The following CFI variants were observed in gnomAD, a reference collection of about 807,000 sequenced individuals.
CFI encodes C3B/C4B inactivator.
Under a neutral mutation model 78.8 loss-of-function variants are expected in CFI, and 66 were observed. That is an observed-to-expected ratio of 0.84 (90% CI 0.69 to 1.03). The LOEUF (loss-of-function observed/expected upper bound fraction) is 1.03. Among genes scored for constraint, CFI ranks in the 50% least tolerant of loss-of-function variants. The pLI, the probability that CFI is intolerant of heterozygous loss-of-function variation, is 0.00. For missense variants in CFI, 706 were observed against 704.5 expected, an observed-to-expected ratio of 1.00 and a Z score of -0.02; for synonymous variants, 250 against 232.6, an observed-to-expected ratio of 1.07 and a Z score of -0.68.
intron 3 of CFI, among the ~76,000 whole-genome samples, chr4:109,763,882 A>T (rs887211477): frequency 6.6e-6 from 1 of 151,210 alleles, no homozygotes; most frequent in African/African-American, 2.4e-5. Flanking sequence ...ATAATAAAGA[A>T]AACTTCTAAA....
At chr4:109,769,580 C>G (rs183550621) in intron 1 of CFI, among the ~76,000 whole-genome samples, 1 of 152,134 alleles carries the variant, frequency 6.6e-6, no homozygotes, top group African/African-American at 2.4e-5. Flanking sequence ...CTCTCTCATG[C>G]GGGGTACTAT....
chr4:109,751,081 C>T (rs1329062505), intron 8 of CFI, among the ~76,000 whole-genome samples: 1 of 150,212 alleles, frequency 6.7e-6, no homozygotes, highest in Non-Finnish European at 1.5e-5. Context: ...ACAGACCTGG[C>T]TTCCATTAGT....
chr4:109,801,799 TGTAAC>T (rs1732796913), intron 1 of CFI, 111 bp downstream of exon 1: 2 of 692,088 alleles, frequency 2.9e-6, no homozygotes, highest in African/African-American at 1.8e-5. Context: ...GTGGCATTGT[TGTAAC>T]TGAACTATGT....
chr4:109,796,637 AC>A (rs1268019687), intron 1 of CFI, among the ~76,000 whole-genome samples: 2 of 152,174 alleles, frequency 1.3e-5, no homozygotes, highest in Non-Finnish European at 1.5e-5. Flanking sequence ...TCCCATCACT[AC>A]AAAAAATAAA....
chr4:109,787,822 T>C (rs1236841333), intron 1 of CFI, among the ~76,000 whole-genome samples: 1 of 152,068 alleles, frequency 6.6e-6, no homozygotes, highest in Non-Finnish European at 1.5e-5. Context: ...GGTCTTGTTT[T>C]TTTCATAATG....
In CFI at chr4:109,760,292, C is replaced by T. The variant is rs781339878; in HGVS notation, c.861G>A (p.Gly287=). The change falls in exon 6 of 13, where the codon GGG becomes GGA. Residue 287 remains glycine, a synonymous_variant. Coordinates refer to ENST00000394634, the MANE Select transcript of CFI (RefSeq NM_000204.5). ...QCNGEVDCIT[G]EDEVGCAGFA... is the part of the protein sequence containing the mutation. Reference sequence around the variant, plus strand: ...TACCTGCACAGCCAACTTCATCTTCCCCTGTAATGCAGTCCACCTCACCAT... The same window carrying T: ...TACCTGCACAGCCAACTTCATCTTCTCCTGTAATGCAGTCCACCTCACCAT... The T allele has an allele frequency of 6.2e-7, 1 of 1,613,782 alleles. No homozygotes were observed. The highest frequency in any genetic ancestry group is 1.3e-5 in the African/African-American group (1 of 75,044).
At chr4:109,750,647 A>G (rs1274178738) in intron 8 of CFI, among the ~76,000 whole-genome samples, 2 of 152,212 alleles carry the variant, frequency 1.3e-5, no homozygotes, top group Non-Finnish European at 2.9e-5. Flanking sequence ...TGAAGAAAGT[A>G]AAATATATCC....
intron 1 of CFI, among the ~76,000 whole-genome samples, 156 bp downstream of exon 1, chr4:109,801,759 T>G (rs1732791959): frequency 6.6e-6 from 1 of 152,246 alleles, no homozygotes; most frequent in African/African-American, 2.4e-5. Context: ...ATCAAGATAT[T>G]AACATAAAAC....
chr4:109,746,253 T>A lies in CFI; in HGVS notation c.1398A>T (p.Thr466=), dbSNP rs766794853. ...CTCGTCCCCAGCCAGAAACGATGCA[T>A]GTATCATTAGGTTGGAATAGGTAAG... ...WSPYLFQPND[T]CIVSGWGREK... is the part of the protein sequence containing the mutation. Residue 466 remains threonine (T), a synonymous_variant, in exon 11 of 13, where the codon ACA becomes ACT. Transcript: ENST00000394634. The A allele has an allele frequency of 1.2e-6, 2 of 1,614,150 alleles. No individual in the cohort carries two copies. The highest frequency in any genetic ancestry group is 1.7e-5 in the Admixed American group (1 of 60,014).
rs1240110480 is a variant in CFI, at chr4:109,764,689, T to G, written c.330A>C (p.Gly110=). The G allele has an allele frequency of 5.6e-6, 9 of 1,613,228 alleles. No individual in the cohort carries two copies. Among genetic ancestry groups the G allele is most frequent in the Non-Finnish European group, 7.6e-6 (9 of 1,179,836 alleles). ...CATGCTTCAAGGAAACACTAAACTT[T>G]CCTAAAATAAAAAAACAAAATAATG... ...FLNNGTCTAE[G]KFSVSLKHGN... Residue 110 remains glycine (G), a splice_region_variant and synonymous_variant, in exon 3 of 13, where the codon GGA becomes GGC. Transcript: ENST00000394634.
chr4:109,783,240 C>T (rs932981581), intron 1 of CFI, among the ~76,000 whole-genome samples: 4 of 152,158 alleles, frequency 2.6e-5, no homozygotes, highest in Non-Finnish European at 5.9e-5. Flanking sequence ...AGTAAACAGA[C>T]AACCCATAGG....
rs1723944265 is a variant in CFI, at chr4:109,742,595, T to C, written c.1430A>G (p.Asp477Gly). 4 of 1,586,430 alleles carry C rather than the reference T, an allele frequency of 2.5e-6. No homozygotes were observed. The highest frequency in any genetic ancestry group is 1.3e-5 in the African/African-American group (1 of 74,370). The part of the protein sequence containing the change: ...CIVSGWGREK[D>G]NERVFSLQWG... ...CTGAAGTGAAAAGACTCTTTCGTTA[T>C]CTAAACAAAGTGAGAAAGCAAACAT... The change falls in exon 12 of 13, where the codon GAT (aspartate) becomes GGT (glycine). Residue 477 changes from aspartate (D) to glycine (G), a missense_variant and splice_region_variant. Physicochemically the swap from Asp to Gly is moderately conservative, Grantham distance 94 (BLOSUM62 -1). Transcript: ENST00000394634.
chr4:109,773,211 C>T (rs1728804016), intron 1 of CFI, among the ~76,000 whole-genome samples: 1 of 152,152 alleles, frequency 6.6e-6, no homozygotes, highest in African/African-American at 2.4e-5. Flanking sequence ...CACCCAGACC[C>T]ACAGTAGGCT....
chr4:109,787,544 TACCTAACAATGA>T (rs1408417202), intron 1 of CFI, among the ~76,000 whole-genome samples: 2 of 152,028 alleles, frequency 1.3e-5, no homozygotes, highest in East Asian at 3.9e-4. Flanking sequence ...TCTCTGGTAA[TACCTAACAATGA>T]ATTGTTCCAA....
intron 7 of CFI, among the ~76,000 whole-genome samples, chr4:109,754,229 G>A (rs144841311): frequency 0.034 from 5,155 of 150,952 alleles, 243 homozygotes; most frequent in African/African-American, 0.11. Context: ...TGATCCACCC[G>A]CCTTGGCCTC....
At position 109,740,765 on chromosome 4, in the gene CFI, C is replaced by A. The variant is rs768783964; in HGVS notation, c.*128G>T. On this transcript the variant is annotated 3_prime_UTR_variant, in exon 13 of 13. Coordinates refer to ENST00000394634, the MANE Select transcript of CFI (RefSeq NM_000204.5). ...CAATATGGCATAAACTCTGTGGAGA[C>A]CTTTAAAAATATCCAGTGAGATTTG... The A allele has an allele frequency of 5.5e-5, 48 of 870,076 alleles. No homozygotes were observed. The highest frequency in any genetic ancestry group is 9.0e-5 in the Non-Finnish European group (48 of 534,064). The allele number at this position is 870,076 out of a possible 1,614,324, so 53.9% of individuals were successfully genotyped here. A position where few individuals can be genotyped will look rare whatever the true frequency, so the allele number is the denominator to read the frequency against.
At chr4:109,754,038 C>T (rs914712442) in intron 7 of CFI, among the ~76,000 whole-genome samples, 11 of 150,688 alleles carry the variant, frequency 7.3e-5, no homozygotes, top group Admixed American at 4.0e-4. Flanking sequence ...GACTGGAGTG[C>T]GGTGGCACGA....
intron 1 of CFI, among the ~76,000 whole-genome samples, chr4:109,798,831 T>A (rs189613625): frequency 4.6e-5 from 7 of 152,030 alleles, no homozygotes; most frequent in Non-Finnish European, 1.0e-4. Flanking sequence ...AGTCTGTTCC[T>A]TTGACTTATA....
the CFI span, among the ~76,000 whole-genome samples, chr4:109,734,275 AAAG>A: frequency 6.6e-6 from 1 of 152,208 alleles, no homozygotes; most frequent in Non-Finnish European, 1.5e-5. Context: ...GTCAAGGAAA[AAAG>A]AACAAAGGCG....
Sources: allele counts gnomAD v4.1 joint callset (sites outside exome capture counted in the v4.1 genomes callset), GRCh38; gene constraint gnomAD v4.1.1; transcripts MANE v1.5; gene names NCBI Gene and HGNC (gene_info 2026-07-23, HGNC 2026-07-21).